GALNT13: variants seen among roughly 807,000 people sequenced by gnomAD.
The protein encoded by GALNT13 is UDP-GalNAc:polypeptide N-acetylgalactosaminyltransferase 13.
In GALNT13, 28 loss-of-function variants were observed where a neutral mutation model predicts 64.2. The observed-to-expected ratio is 0.44, with a 90% confidence interval of 0.32 to 0.60. The LOEUF (loss-of-function observed/expected upper bound fraction) is 0.60. Ranked by LOEUF, GALNT13 falls within the 20% of genes least tolerant of loss-of-function variation. The pLI is 0.05. For synonymous variants in GALNT13, 214 were observed against 224.6 expected (o/e 0.95, Z 0.42); for missense variants, 577 against 669.8 (o/e 0.86, Z 1.53).
At chr2:153,126,805 T>C in the GALNT13 span, among the ~76,000 whole-genome samples, 1 of 152,242 alleles carries the variant, frequency 6.6e-6, no homozygotes, top group Non-Finnish European at 1.5e-5. Flanking sequence ...AGAATTCTCA[T>C]GGCTAATCTC....
chr2:153,343,906 C>T, the GALNT13 span, among the ~76,000 whole-genome samples: 1 of 152,118 alleles, frequency 6.6e-6, no homozygotes, highest in African/African-American at 2.4e-5. Context: ...GTTAAAAGAA[C>T]AATGTATAAG....
At chr2:153,634,464 C>G in the GALNT13 span, among the ~76,000 whole-genome samples, 2 of 150,978 alleles carry the variant, frequency 1.3e-5, no homozygotes, top group African/African-American at 2.4e-5. Flanking sequence ...CTCCTAGACT[C>G]TCTTCTTCAT....
At chr2:154,097,470 C>G (rs1289718931) in intron 3 of GALNT13, among the ~76,000 whole-genome samples, 2 of 152,016 alleles carry the variant, frequency 1.3e-5, no homozygotes, top group South Asian at 4.1e-4. Context: ...TGTTTCTGTA[C>G]TTATCTTGAT....
rs137866826 is a variant in GALNT13 at position 154,374,022 on chromosome 2, A to G, written c.1157-21969A>G. ...GTGAGTGCCTCCTTCAGACTTGTCA[A>G]CTGAGACAGTTCACCAGTTATAACA... On this transcript the variant is annotated intron_variant, in intron 9 of 12. Transcript: ENST00000392825. 8.5e-4 allele frequency among the ~76,000 whole-genome samples: 129 copies of G among 152,328 alleles called. 3 individuals are homozygous for G. The East Asian group carries it at 0.015, about 18-fold the overall frequency.
the GALNT13 span, among the ~76,000 whole-genome samples, chr2:153,763,396 A>G: frequency 3.9e-5 from 6 of 152,270 alleles, no homozygotes; most frequent in South Asian, 1.0e-3. Flanking sequence ...ATGTGTCAAG[A>G]GCAGGGCCAG....
Position 154,242,030 on chromosome 2 carries a change from A to G in GALNT13, c.312A>G (p.Gly104=). The stretch of plus-strand genomic sequence containing the variant: ...ATCCCTCTTCTTTTCTCTTTTTCAG[A>G]TGTAAGACAAAAGTCTACCCTGATG... The part of the protein sequence containing the change: ...NRSLPDVRLE[G]CKTKVYPDEL... The change falls in exon 5 of 13, where the codon GGA becomes GGG. Residue 104 remains glycine, a splice_region_variant and synonymous_variant. Transcript: ENST00000392825. 7 of 1,568,976 alleles carry G rather than the reference A, an allele frequency of 4.5e-6. No individual in the cohort carries two copies. The highest frequency in any genetic ancestry group is 6.0e-6 in the Non-Finnish European group (7 of 1,159,180).
chr2:154,043,526 T>C (rs1699125033), intron 3 of GALNT13, among the ~76,000 whole-genome samples: 2 of 149,670 alleles, frequency 1.3e-5, no homozygotes, highest in Non-Finnish European at 3.0e-5. Context: ...CTAACAGTTA[T>C]TTGCTAATCA....
chr2:153,254,962 A>G, the GALNT13 span, among the ~76,000 whole-genome samples: 9 of 151,894 alleles, frequency 5.9e-5, no homozygotes, highest in Non-Finnish European at 1.3e-4. Context: ...TTGGGTGGAG[A>G]GTTCTGTAGA....
intron 4 of GALNT13, among the ~76,000 whole-genome samples, chr2:154,175,506 T>A (rs1324268739): frequency 6.6e-6 from 1 of 152,156 alleles, no homozygotes. Flanking sequence ...GAGGGAATAA[T>A]TGAAGCTAAA....
At chr2:153,944,740 G>T (rs1691589006) in intron 3 of GALNT13, 101 bp downstream of exon 3, 1 of 968,576 alleles carries the variant, frequency 1.0e-6, no homozygotes, top group Non-Finnish European at 1.5e-6. Flanking sequence ...GCCTTAGTGA[G>T]TTAGAAGAGC....
intron 11 of GALNT13, among the ~76,000 whole-genome samples, chr2:154,412,203 A>T (rs1240831622): frequency 6.6e-6 from 1 of 151,814 alleles, no homozygotes; most frequent in Non-Finnish European, 1.5e-5. Context: ...ATTATGGAAA[A>T]ATTTAACCAT....
At chr2:154,020,997 G>T (rs1316438047) in intron 3 of GALNT13, among the ~76,000 whole-genome samples, 1 of 152,176 alleles carries the variant, frequency 6.6e-6, no homozygotes, top group Non-Finnish European at 1.5e-5. Flanking sequence ...GTTTGTCAAA[G>T]ATCCGACAGT....
the GALNT13 span, among the ~76,000 whole-genome samples, chr2:153,648,468 G>A: frequency 1.3e-5 from 2 of 152,000 alleles, no homozygotes; most frequent in Admixed American, 1.3e-4. Context: ...TCCTTCTCCT[G>A]CCTGATTGCC....
intron 2 of GALNT13, among the ~76,000 whole-genome samples, chr2:153,927,518 A>G (rs1690230818): frequency 1.3e-5 from 2 of 151,938 alleles, no homozygotes; most frequent in Admixed American, 1.3e-4. Context: ...ACACTCCATT[A>G]TATTAGTTGC....
chr2:154,069,552 A>G (rs1281139021), intron 3 of GALNT13, among the ~76,000 whole-genome samples: 3 of 151,980 alleles, frequency 2.0e-5, no homozygotes, highest in Non-Finnish European at 1.5e-5. Flanking sequence ...ATATTTAAGC[A>G]TGTTTCTTTT....
the GALNT13 span, among the ~76,000 whole-genome samples, chr2:153,612,187 C>A: frequency 5.9e-5 from 9 of 152,052 alleles, no homozygotes; most frequent in Admixed American, 3.9e-4. Flanking sequence ...AGTCAGGAAA[C>A]AACCGATGCC....
chr2:154,152,064 G>A (rs964951865), intron 4 of GALNT13, among the ~76,000 whole-genome samples: 17 of 152,160 alleles, frequency 1.1e-4, no homozygotes, highest in Non-Finnish European at 2.2e-4. Flanking sequence ...TGCAGTGGCT[G>A]GTACCGGTTG....
the GALNT13 span, among the ~76,000 whole-genome samples, chr2:153,625,242 G>A: frequency 6.6e-6 from 1 of 151,740 alleles, no homozygotes; most frequent in Non-Finnish European, 1.5e-5. Flanking sequence ...GAGAGTGGGG[G>A]GAATGGGACA....
chr2:153,753,820 A>G, the GALNT13 span, among the ~76,000 whole-genome samples: 2 of 152,210 alleles, frequency 1.3e-5, no homozygotes, highest in Non-Finnish European at 2.9e-5. Context: ...TGCAGGACCT[A>G]GGCAGGTTTA....
Sources: gnomAD v4.1 joint callset for allele counts (sites outside exome capture counted in the v4.1 genomes callset) on GRCh38, gnomAD v4.1.1 for gene constraint, MANE v1.5 for transcripts, NCBI Gene and HGNC (gene_info 2026-07-23, HGNC 2026-07-21) for gene names.